The following RPA1 variants were observed in gnomAD, a reference collection of about 807,000 sequenced individuals.
RPA1 encodes replication protein A1.
RPA1 carries 49 observed loss-of-function variants against 83.0 expected under a neutral mutation model. That is an observed-to-expected ratio of 0.59 (90% CI 0.47 to 0.75). The LOEUF (loss-of-function observed/expected upper bound fraction) is 0.75. Among genes scored for constraint, RPA1 ranks in the 30% least tolerant of loss-of-function variants. The pLI is 0.00. For missense variants in RPA1, 693 were observed against 776.1 expected (o/e 0.89, Z 1.27); for synonymous variants, 279 against 281.8 (o/e 0.99, Z 0.10).
intron 6 of RPA1, 30 bp downstream of exon 6, chr17:1,872,556 C>T (rs747878307): frequency 1.2e-6 from 2 of 1,609,086 alleles, no homozygotes; most frequent in Non-Finnish European, 1.7e-6. Context: ...GTGCGCTGAC[C>T]AGGGGTGTCA....
chr17:1,857,034 T>G (rs1597434117), intron 5 of RPA1, among the ~76,000 whole-genome samples: 2 of 152,110 alleles, frequency 1.3e-5, no homozygotes, highest in African/African-American at 4.8e-5. Flanking sequence ...AGGTGGAAGC[T>G]GAGTTCATTG....
intron 12 of RPA1, among the ~76,000 whole-genome samples, chr17:1,882,752 C>T (rs17338948): frequency 0.2 from 31,172 of 152,064 alleles, 3,344 homozygotes; most frequent in Admixed American, 0.24. Context: ...ATTGGCTGTC[C>T]GTTTCCACAC....
chr17:1,833,750 A>G (rs911924830), intron 1 of RPA1, among the ~76,000 whole-genome samples: 3 of 152,154 alleles, frequency 2.0e-5, no homozygotes, highest in African/African-American at 7.2e-5. Flanking sequence ...GCTACTTGGG[A>G]GGCTGAGGCA....
chr17:1,830,410 T>G (rs1007979926), intron 1 of RPA1, among the ~76,000 whole-genome samples: 8 of 152,188 alleles, frequency 5.3e-5, no homozygotes, highest in Non-Finnish European at 1.2e-4. Context: ...ACACTTTCTG[T>G]CTCTTCTCCT....
chr17:1,839,088 C>T (rs755159645), intron 1 of RPA1, among the ~76,000 whole-genome samples: 37 of 152,088 alleles, frequency 2.4e-4, no homozygotes, highest in Non-Finnish European at 3.5e-4. Flanking sequence ...CTCCTGACCT[C>T]GTCGTGATCC....
At position 1,879,210 on chromosome 17, in the gene RPA1, C is replaced by T. The variant is rs929379270; in HGVS notation, c.760-5C>T. 9.9e-6 allele frequency: 16 copies of T among 1,612,438 alleles called. No individual in the cohort carries two copies. In the Admixed American group the frequency reaches 1.2e-4, roughly 12 times the overall value. ...TCAGGTTCTGTGGCTTGGCCTCCTT[C>T]GCAGGTGTATTATTTCTCGAAAGGC... is the stretch of plus-strand genomic sequence containing the variant. On this transcript the variant is annotated splice_polypyrimidine_tract_variant and splice_region_variant and intron_variant, in intron 9 of 16. Coordinates refer to ENST00000254719, the MANE Select transcript of RPA1 (RefSeq NM_002945.5).
intron 9 of RPA1, 46 bp from the exon 10 acceptor site, chr17:1,879,169 C>A: frequency 6.2e-7 from 1 of 1,608,394 alleles, no homozygotes; most frequent in South Asian, 1.1e-5. Context: ...GGTTTCTGTC[C>A]GATTTGATGG....
intron 5 of RPA1, among the ~76,000 whole-genome samples, chr17:1,862,021 G>A (rs1045739855): frequency 2.0e-5 from 3 of 151,850 alleles, no homozygotes; most frequent in East Asian, 3.9e-4. Flanking sequence ...TGCTTGAGTA[G>A]CTGGGACTAC....
At chr17:1,841,865 T>A (rs552489497) in intron 1 of RPA1, among the ~76,000 whole-genome samples, 1 of 152,166 alleles carries the variant, frequency 6.6e-6, no homozygotes. Flanking sequence ...TCTATTCAGT[T>A]GATGATGATT....
chr17:1,877,408 A>G (rs1262533448), intron 8 of RPA1, 94 bp downstream of exon 8: 2 of 1,092,490 alleles, frequency 1.8e-6, no homozygotes, highest in African/African-American at 3.1e-5. Flanking sequence ...GCTGGGAAAC[A>G]GAAGGCTCAG....
At chr17:1,833,512 A>G (rs756860150) in intron 1 of RPA1, among the ~76,000 whole-genome samples, 3 of 152,192 alleles carry the variant, frequency 2.0e-5, no homozygotes, top group Admixed American at 6.5e-5. Context: ...TTTAAATTGT[A>G]GCTTTCATTT....
intron 1 of RPA1, among the ~76,000 whole-genome samples, chr17:1,834,543 C>T (rs916131585): frequency 7.9e-5 from 12 of 152,114 alleles, no homozygotes; most frequent in South Asian, 2.1e-4. Flanking sequence ...ACAAAGGGTA[C>T]GCAAATACCA....
At chr17:1,830,891 G>A (rs1406891593) in intron 1 of RPA1, among the ~76,000 whole-genome samples, 1 of 151,660 alleles carries the variant, frequency 6.6e-6, no homozygotes, top group Admixed American at 6.6e-5. Context: ...TCAGCCTCCC[G>A]AGTAGCTGGG....
At chr17:1,836,463 C>G (rs566604859) in intron 1 of RPA1, among the ~76,000 whole-genome samples, 1 of 152,036 alleles carries the variant, frequency 6.6e-6, no homozygotes, top group South Asian at 2.1e-4. Flanking sequence ...AATGTGCGCA[C>G]CCCTGTAACC....
At chr17:1,896,998 A>C in intron 16 of RPA1, 73 bp from the exon 17 acceptor site, 1 of 1,296,554 alleles carries the variant, frequency 7.7e-7, no homozygotes, top group Non-Finnish European at 1.1e-6. Flanking sequence ...CACTGAAACC[A>C]CTGAAGCAAA....
chr17:1,858,450 G>C, intron 5 of RPA1: 2 of 1,355,322 alleles, frequency 1.5e-6, no homozygotes, highest in Non-Finnish European at 2.1e-6. Context: ...CAGCCATCTT[G>C]GGTTCTGGTC....
chr17:1,851,573 T>G (rs1003374311), intron 4 of RPA1, among the ~76,000 whole-genome samples: 1 of 152,214 alleles, frequency 6.6e-6, no homozygotes, highest in African/African-American at 2.4e-5. Flanking sequence ...TAGGTTCATC[T>G]TGCTGATATT....
intron 1 of RPA1, among the ~76,000 whole-genome samples, chr17:1,841,179 C>T (rs1034420709): frequency 6.6e-6 from 1 of 152,224 alleles, no homozygotes; most frequent in African/African-American, 2.4e-5. Flanking sequence ...GATTATTCCA[C>T]ACCAGCCTTG....
intron 1 of RPA1, among the ~76,000 whole-genome samples, chr17:1,831,949 C>T (rs1399565631): frequency 2.2e-5 from 3 of 133,462 alleles, no homozygotes; most frequent in Non-Finnish European, 4.8e-5. Flanking sequence ...CTCTTTCTCC[C>T]CATACCCCCC....
Sources: gnomAD v4.1 joint callset for allele counts (sites outside exome capture counted in the v4.1 genomes callset) on GRCh38, gnomAD v4.1.1 for gene constraint, MANE v1.5 for transcripts, NCBI Gene and HGNC (gene_info 2026-07-23, HGNC 2026-07-21) for gene names.